The following ZNF790 variants were observed in gnomAD, a reference collection of about 807,000 sequenced individuals.
The protein encoded by ZNF790 is zinc finger protein 790.
A neutral mutation model predicts 12.1 loss-of-function variants in ZNF790; 8 were observed. That is an observed-to-expected ratio of 0.66 (90% confidence interval 0.39 to 1.19). The LOEUF is 1.19. ZNF790 is among the 50% of genes most tolerant of loss of function. The pLI, the probability that ZNF790 is intolerant of heterozygous loss-of-function variation, is 0.01. For missense variants in ZNF790, 707 were observed against 752.2 expected (o/e 0.94, Z 0.70); for synonymous variants, 252 against 244.3 (o/e 1.03, Z -0.29).
Position 36,817,452 on chromosome 19 carries a change from T to C in ZNF790, c.*981A>G, listed in dbSNP as rs1218339221. On this transcript the variant is annotated 3_prime_UTR_variant, in exon 5 of 5. Transcript: ENST00000356725. Reference sequence around the variant, plus strand: ...CTTTCTTCATTGTATTTTACTGATTTTTTTTCAGAATTAACATTCTGATGT... The same window carrying C: ...CTTTCTTCATTGTATTTTACTGATTCTTTTTCAGAATTAACATTCTGATGT... 1 of 152,152 alleles carries C rather than the reference T, an allele frequency of 6.6e-6. No homozygotes were observed. The highest frequency in any genetic ancestry group is 1.5e-5 in the Non-Finnish European group (1 of 68,028). 9.4% of individuals were successfully genotyped at this position (152,152 alleles called of 1,614,324 possible).
upstream of ZNF790, among the ~76,000 whole-genome samples, chr19:36,842,677 A>C (rs534070140): frequency 5.3e-4 from 81 of 151,604 alleles, no homozygotes; most frequent in Middle Eastern, 3.4e-3. Context: ...AAAAAAAAAA[A>C]CACAAAGCTT....
chr19:36,824,098 G>T (rs1429208549), intron 2 of ZNF790, among the ~76,000 whole-genome samples: 1 of 148,490 alleles, frequency 6.7e-6, no homozygotes, highest in East Asian at 2.0e-4. Context: ...CCGGGTTCAC[G>T]CCATTCTCCT....
Position 36,819,261 on chromosome 19 carries a change from A to G in ZNF790, c.1083T>C (p.Thr361=). ...SHLTQHQRIH[T]GEKSHECKEC... is the part of the protein sequence containing the mutation. ...CCTTACACTCATGAGATTTCTCACCAGTATGAATTCTCTGATGCTGAGTTA... is the reference window on the plus strand; with the variant it reads ...CCTTACACTCATGAGATTTCTCACCGGTATGAATTCTCTGATGCTGAGTTA... The change falls in exon 5 of 5, where the codon ACT becomes ACC. Residue 361 remains threonine, a synonymous_variant. Transcript: ENST00000356725. The G allele has an allele frequency of 6.2e-7, 1 of 1,613,506 alleles. No individual in the cohort carries two copies. Among genetic ancestry groups the G allele is most frequent in the African/African-American group, 1.3e-5 (1 of 75,038 alleles).
rs1568333861 is a variant in ZNF790 at position 36,819,878 on chromosome 19, CTG to C, written c.464_465del (p.Thr155SerfsTer3). On this transcript the variant is annotated frameshift_variant, in exon 5 of 5. Coordinates refer to ENST00000356725, the MANE Select transcript of ZNF790 (RefSeq NM_206894.4). LOFTEE classifies it low-confidence loss of function (END_TRUNC). Reference sequence around the variant, plus strand: ...TTAAGTCTCTGGTGTAGATTAAACACTGTATGCTGGTTAAAAGTGGGCCTTTT... The same window carrying C: ...TTAAGTCTCTGGTGTAGATTAAACACTATGCTGGTTAAAAGTGGGCCTTTT... ...CEKRPTFNQH[T>X]VFNLHQRLNT... 1 of 1,613,858 alleles carries C rather than the reference CTG, an allele frequency of 6.2e-7. No individual in the cohort carries two copies. The highest frequency in any genetic ancestry group is 1.1e-5 in the South Asian group (1 of 91,060).
intron 1 of ZNF790, among the ~76,000 whole-genome samples, chr19:36,832,436 T>A (rs1245496840): frequency 1.3e-5 from 2 of 152,192 alleles, no homozygotes; most frequent in African/African-American, 2.4e-5. Context: ...GGCTTCCAGC[T>A]TATGCGTTCT....
At chr19:36,846,460 G>T (rs959192310) in intron 1 of ZNF790, among the ~76,000 whole-genome samples, 2 of 152,164 alleles carry the variant, frequency 1.3e-5, no homozygotes, top group Non-Finnish European at 2.9e-5. Flanking sequence ...AGCTACTCGG[G>T]AGGCTGAGGC....
intron 1 of ZNF790, among the ~76,000 whole-genome samples, chr19:36,833,255 G>C (rs1233177722): frequency 1.1e-4 from 17 of 152,158 alleles, no homozygotes; most frequent in Admixed American, 1.0e-3. Context: ...TAATTCTCCT[G>C]TCTCAGACTC....
intron 1 of ZNF790, among the ~76,000 whole-genome samples, chr19:36,848,819 A>G (rs1483902997): frequency 1.3e-5 from 2 of 151,864 alleles, no homozygotes; most frequent in East Asian, 3.9e-4. Context: ...TTTGAGACGG[A>G]GTCTCACTCT....
Position 36,818,416 on chromosome 19 carries a change from C to A in ZNF790, c.*17G>T. Reference sequence around the variant, plus strand: ...TGAGTCATGAATAAAGCCCTTCCTACACTTTTATATAATATTTCACAAGAG... The same window carrying A: ...TGAGTCATGAATAAAGCCCTTCCTAAACTTTTATATAATATTTCACAAGAG... On this transcript the variant is annotated 3_prime_UTR_variant, in exon 5 of 5. Transcript: ENST00000356725. 6.7e-7 allele frequency: 1 copy of A among 1,502,258 alleles called. No individual in the cohort carries two copies. Among genetic ancestry groups the A allele is most frequent in the Non-Finnish European group, 8.9e-7 (1 of 1,123,782 alleles). 93.1% of individuals were successfully genotyped at this position (1,502,258 alleles called of 1,614,324 possible).
rs760727716 is a variant in ZNF790, at chr19:36,819,943, T to C, written c.401A>G (p.Gln134Arg). 1.9e-6 allele frequency: 3 copies of C among 1,614,168 alleles called. No homozygotes were observed. The highest frequency in any genetic ancestry group is 2.2e-5 in the South Asian group (2 of 91,084). Reference protein sequence around the residue: ...NTQFQTLQDNQEECFKQVIRT... With the variant: ...NTQFQTLQDNREECFKQVIRT... Reference sequence around the variant, plus strand: ...TATCACCTGCTTGAAGCATTCCTCTTGATTATCTTGAAGTGTTTGAAACTG... The same window carrying C: ...TATCACCTGCTTGAAGCATTCCTCTCGATTATCTTGAAGTGTTTGAAACTG... The change falls in exon 5 of 5, where the codon CAA becomes CGA. Residue 134 changes from glutamine (Q) to arginine (R), a missense_variant. Coordinates refer to ENST00000356725, the MANE Select transcript of ZNF790 (RefSeq NM_206894.4).
rs1223568402 is a variant in ZNF790, at chr19:36,818,491, T to C, written c.1853A>G (p.Glu618Gly). The change falls in exon 5 of 5, where the codon GAA becomes GGA. Residue 618 changes from glutamate to glycine, a missense_variant. By Grantham distance (98) the Glu-to-Gly change is moderately conservative. Coordinates refer to ENST00000356725, the MANE Select transcript of ZNF790 (RefSeq NM_206894.4). ...AAATGCTTTCTCAAAATCTTTAAAT[T>C]CATAGGATTTCTCAAAAGTGTAAAT... ...QNIYTFEKSY[E>G]FKDFEKAFSS... The C allele has an allele frequency of 6.3e-7, 1 of 1,582,122 alleles. No homozygotes were observed. The highest frequency in any genetic ancestry group is 1.1e-5 in the South Asian group (1 of 87,688).
At chr19:36,835,643 T>C (rs1359726962) in intron 1 of ZNF790, among the ~76,000 whole-genome samples, 1 of 152,168 alleles carries the variant, frequency 6.6e-6, no homozygotes, top group Non-Finnish European at 1.5e-5. Context: ...TATTATCATA[T>C]AGTTCAGTAG....
chr19:36,841,072 A>G (rs1253625244), upstream of ZNF790, among the ~76,000 whole-genome samples: 1 of 152,216 alleles, frequency 6.6e-6, no homozygotes, highest in Non-Finnish European at 1.5e-5. Context: ...AAGCTTTACC[A>G]TAATGTTTTT....
In ZNF790 at chr19:36,819,030, A is replaced by G; in HGVS notation, c.1314T>C (p.Ala438=). Residue 438 remains alanine (A), a synonymous_variant, in exon 5 of 5, where the codon GCT becomes GCC. Coordinates refer to ENST00000356725, the MANE Select transcript of ZNF790 (RefSeq NM_206894.4). ...TCTCATTGTGAATTTTCTCATGTTG[A>G]GCAAGATACGAAGCCCAAGTAAAAG... The part of the protein sequence containing the change: ...GKTFTWASYL[A]QHEKIHNERK... The G allele has an allele frequency of 2.5e-6, 4 of 1,614,166 alleles. No individual in the cohort carries two copies. Among genetic ancestry groups the G allele is most frequent in the Non-Finnish European group, 2.5e-6 (3 of 1,180,036 alleles).
Position 36,817,428 on chromosome 19 carries a change from TTTC to T in ZNF790, c.*1002_*1004del, listed in dbSNP as rs2071575356. On this transcript the variant is annotated 3_prime_UTR_variant, in exon 5 of 5. Transcript: ENST00000356725. ...AGCATGTGAAATTAATATTCAAAGC[TTTC>T]TTCATTGTATTTTACTGATTTTTTT... The T allele has an allele frequency of 6.6e-6, 1 of 152,184 alleles. No individual in the cohort carries two copies. Among genetic ancestry groups the T allele is most frequent in the Non-Finnish European group, 1.5e-5 (1 of 68,032 alleles). The allele number at this position is 152,184 out of a possible 1,614,324, so 9.4% of individuals were successfully genotyped here.
At chr19:36,822,073 C>T (rs912221756) in intron 4 of ZNF790, among the ~76,000 whole-genome samples, 1 of 152,058 alleles carries the variant, frequency 6.6e-6, no homozygotes, top group Non-Finnish European at 1.5e-5. Context: ...ATGTTCCAAT[C>T]ACAGAAGAGA....
At chr19:36,827,111 T>TAGACATACACACACACACACACAC (rs2071826724) in intron 1 of ZNF790, among the ~76,000 whole-genome samples, 1 of 65,122 alleles carries the variant, frequency 1.5e-5, no homozygotes, top group Non-Finnish European at 3.5e-5. Flanking sequence ...TGTATATATA[T>TAGACATACACACACACACACACAC]ACACATACAC....
rs183996936 is a variant in ZNF790, at chr19:36,823,542, G to C, written c.133+125C>G. On this transcript the variant is annotated intron_variant, in intron 3 of 4. Coordinates refer to ENST00000356725, the MANE Select transcript of ZNF790 (RefSeq NM_206894.4). Reference sequence around the variant, plus strand: ...TGCCCACTGATGATAACTATTGCCAGATTTACAAAGCGCAAACCATTTTCT... The same window carrying C: ...TGCCCACTGATGATAACTATTGCCACATTTACAAAGCGCAAACCATTTTCT... The C allele has an allele frequency of 9.6e-5, 131 of 1,361,408 alleles. 2 individuals are homozygous for C. In the Admixed American group the frequency reaches 2.7e-3, roughly 28 times the overall value. 84.3% of individuals were successfully genotyped at this position (1,361,408 alleles called of 1,614,324 possible).
rs1470877696 is a variant in ZNF790, at chr19:36,819,147, A to G, written c.1197T>C (p.Cys399=). 1 of 1,613,618 alleles carries G rather than the reference A, an allele frequency of 6.2e-7. No individual in the cohort carries two copies. The highest frequency in any genetic ancestry group is 2.2e-5 in the East Asian group (1 of 44,880). ...VGRKPYKCEK[C]GKAYIWSSHL... ...GTGAGCTCCAAATATAGGCTTTCCC[A>G]CATTTCTCACATTTATAAGGTTTCC... The change falls in exon 5 of 5, where the codon TGT becomes TGC. Residue 399 remains cysteine, a synonymous_variant. Coordinates refer to ENST00000356725, the MANE Select transcript of ZNF790 (RefSeq NM_206894.4).
Sources: allele counts gnomAD v4.1 joint callset (sites outside exome capture counted in the v4.1 genomes callset), GRCh38; gene constraint gnomAD v4.1.1; transcripts MANE v1.5; gene names NCBI Gene and HGNC (gene_info 2026-07-23, HGNC 2026-07-21).